The following SVEP1 variants were observed in gnomAD, a reference collection of about 807,000 sequenced individuals.
The protein encoded by SVEP1 is sushi, von Willebrand factor type A, EGF and pentraxin domain containing 1.
Under a neutral mutation model 367.3 loss-of-function variants are expected in SVEP1, and 164 were observed. That is an observed-to-expected ratio of 0.45 (90% CI 0.39 to 0.51). The LOEUF is 0.51. Among genes scored for constraint, SVEP1 ranks in the 20% least tolerant of loss-of-function variants. SVEP1 has a pLI of 0.00. For synonymous variants in SVEP1, 1,666 were observed against 1,611.6 expected (o/e 1.03, Z -0.81); for missense variants, 4,117 against 4,425.3 (o/e 0.93, Z 1.98).
chr9:110,561,491 AT>A (rs1482467321), intron 1 of SVEP1, among the ~76,000 whole-genome samples: 1 of 152,240 alleles, frequency 6.6e-6, no homozygotes, highest in Non-Finnish European at 1.5e-5. Flanking sequence ...AATTGCCTTA[AT>A]TTGTACTAGC....
rs1827967308 is a variant in SVEP1, at chr9:110,407,084, G to A, written c.8516C>T (p.Ser2839Leu). Residue 2839 changes from serine (S) to leucine (L), a missense_variant, in exon 38 of 48, where the codon TCA (serine) becomes TTA (leucine). Ser to Leu is a moderately radical substitution (Grantham distance 145, BLOSUM62 -2). Transcript: ENST00000374469. ...IPVDCSSPPV[S>L]ANGQVRGDEY... ...GTCTCCTCTCACCTGGCCATTGGCT[G>A]AGACTGGGGGTGAACTGCAGTCCAC... is the stretch of plus-strand genomic sequence containing the variant. The A allele has an allele frequency of 6.2e-7, 1 of 1,614,002 alleles. No homozygotes were observed. The highest frequency in any genetic ancestry group is 1.7e-5 in the Admixed American group (1 of 60,026).
intron 27 of SVEP1, among the ~76,000 whole-genome samples, chr9:110,441,151 T>C (rs1322222494): frequency 6.6e-6 from 1 of 152,194 alleles, no homozygotes; most frequent in Non-Finnish European, 1.5e-5. Flanking sequence ...TGTTCAAGCA[T>C]ATTTTACAAA....
intron 6 of SVEP1, among the ~76,000 whole-genome samples, chr9:110,499,473 T>G (rs1829499531): frequency 6.6e-6 from 1 of 152,226 alleles, no homozygotes; most frequent in South Asian, 2.1e-4. Flanking sequence ...CAAAAACTTC[T>G]GATATTTTAA....
Position 110,407,198 on chromosome 9 carries a change from C to T in SVEP1, c.8402G>A (p.Cys2801Tyr). 1 of 1,614,020 alleles carries T rather than the reference C, an allele frequency of 6.2e-7. No individual in the cohort carries two copies. Among genetic ancestry groups the T allele is most frequent in the South Asian group, 1.1e-5 (1 of 91,082 alleles). ...YTYLSTLYYECDPGYVLNGTE... is the reference protein window; with the variant it reads ...YTYLSTLYYEYDPGYVLNGTE... ...GCCATTCAGCACATATCCGGGGTCA[C>T]ACTCATAGTACAACGTGCTCAGGTA... The change falls in exon 38 of 48, where the codon TGT (cysteine) becomes TAT (tyrosine). Residue 2801 changes from cysteine (C) to tyrosine (Y), a missense_variant. Physicochemically the swap from Cys to Tyr is radical, Grantham distance 194. Transcript: ENST00000374469.
rs1564133287 is a variant in SVEP1, at chr9:110,406,709, G to A, written c.8891C>T (p.Ser2964Phe). ...DLAHGFPNGF[S>F]FIHGGHIQYQ... ...CTGTATATGGCCCCCATGAATAAAG[G>A]AAAAACCATTAGGGAAACCATGGGC... Residue 2964 changes from serine (S) to phenylalanine (F), a missense_variant, in exon 38 of 48, where the codon TCC becomes TTC. Coordinates refer to ENST00000374469, the MANE Select transcript of SVEP1 (RefSeq NM_153366.4). 1.2e-6 allele frequency: 2 copies of A among 1,613,978 alleles called. No individual in the cohort carries two copies. Among genetic ancestry groups the A allele is most frequent in the South Asian group, 2.2e-5 (2 of 91,086 alleles).
At chr9:110,436,223 C>T (rs542901005) in intron 28 of SVEP1, among the ~76,000 whole-genome samples, 157 bp downstream of exon 28, 1 of 152,000 alleles carries the variant, frequency 6.6e-6, no homozygotes, top group Admixed American at 6.6e-5. Flanking sequence ...TAACTTCTGC[C>T]TAACTTCATC....
Position 110,407,747 on chromosome 9 carries a change from TGAG to T in SVEP1, c.7850_7852del (p.Pro2617del). 1.9e-6 allele frequency: 3 copies of T among 1,613,962 alleles called. No individual in the cohort carries two copies. The highest frequency in any genetic ancestry group is 2.5e-6 in the Non-Finnish European group (3 of 1,179,888). On this transcript the variant is annotated inframe_deletion, in exon 38 of 48. Transcript: ENST00000374469. The stretch of plus-strand genomic sequence containing the variant: ...TTTAGTACAGTCTCCAAAATCTATA[TGAG>T]GAGGGAGGCCACAGTCTATTGGCAT...
In SVEP1 at chr9:110,370,367, T is replaced by A. The variant is rs181117678; in HGVS notation, c.10601-351A>T. On this transcript the variant is annotated intron_variant, in intron 46 of 47. Transcript: ENST00000374469. ...CACTTTGAATGTTTTGAACTATAAA[T>A]TTTTTTGTGTTCAATTAGATTGTAC... Among the ~76,000 whole-genome samples the A allele has an allele frequency of 3.3e-5, 5 of 152,224 alleles. No homozygotes were observed. The East Asian group carries it at 9.6e-4, about 29-fold the overall frequency.
chr9:110,429,327 T>C lies in SVEP1; in HGVS notation c.5623A>G (p.Lys1875Glu), dbSNP rs1828312942. ...FGSKVTYRCNKGYTLAGDKES... is the reference protein window; with the variant it reads ...FGSKVTYRCNEGYTLAGDKES... The stretch of plus-strand genomic sequence containing the variant: ...TTATCACCGGCCAGAGTATATCCTT[T>C]ATTACACCTAAAGAAGATAGAGGAA... Residue 1875 changes from lysine to glutamate, a missense_variant, in exon 35 of 48, where the codon AAA (lysine) becomes GAA (glutamate). By Grantham distance (56) the Lys-to-Glu change is moderately conservative (BLOSUM62 1). Around this residue, in one of 4 missense-constraint regions of SVEP1, gnomAD observed 2,174 missense variants for 2,494.3 expected, o/e 0.87. Coordinates refer to ENST00000374469, the MANE Select transcript of SVEP1 (RefSeq NM_153366.4). The C allele has an allele frequency of 1.3e-6, 2 of 1,550,104 alleles. No individual in the cohort carries two copies. Among genetic ancestry groups the C allele is most frequent in the Non-Finnish European group, 1.7e-6 (2 of 1,150,486 alleles).
At chr9:110,497,475 G>C (rs973391351) in intron 7 of SVEP1, among the ~76,000 whole-genome samples, 6 of 152,272 alleles carry the variant, frequency 3.9e-5, no homozygotes, top group African/African-American at 1.4e-4. Flanking sequence ...TTATTTGAAG[G>C]TCAGGATGTC....
intron 1 of SVEP1, among the ~76,000 whole-genome samples, chr9:110,574,743 CTTT>C (rs1163833465): frequency 1.2e-5 from 1 of 84,788 alleles, no homozygotes; most frequent in Non-Finnish European, 2.4e-5. Context: ...AGTCGACCTT[CTTT>C]TTTTTTTTTT....
chr9:110,517,700 A>G (rs991351496), intron 3 of SVEP1, among the ~76,000 whole-genome samples: 1 of 144,406 alleles, frequency 6.9e-6, no homozygotes, highest in Admixed American at 7.4e-5. Context: ...CTACAATTGC[A>G]CCACTGCAAT....
At position 110,406,486 on chromosome 9, in the gene SVEP1, G is replaced by C. The variant is rs1827956203; in HGVS notation, c.9114C>G (p.Leu3038=). ...CACAGGTGATTTCAGAAAGTCCTAG[G>C]AGCTTGAAGCCTTTGAAGCACTGAA... ...ARIQCFKGFK[L]LGLSEITCEA... Residue 3038 remains leucine (L), a synonymous_variant, in exon 38 of 48, where the codon CTC becomes CTG. Transcript: ENST00000374469. 1 of 1,613,768 alleles carries C rather than the reference G, an allele frequency of 6.2e-7. No individual in the cohort carries two copies. The highest frequency in any genetic ancestry group is 1.3e-5 in the African/African-American group (1 of 74,932).
At chr9:110,458,648 G>T in intron 19 of SVEP1, 86 bp from the exon 20 acceptor site, 1 of 1,304,382 alleles carries the variant, frequency 7.7e-7, no homozygotes, top group Non-Finnish European at 1.1e-6. Flanking sequence ...GATTCTGGTT[G>T]TCAGAGTGGG....
At chr9:110,575,535 C>T (rs117682845) in intron 1 of SVEP1, among the ~76,000 whole-genome samples, 2 of 152,212 alleles carry the variant, frequency 1.3e-5, no homozygotes, top group South Asian at 2.1e-4. Context: ...CCCTGCCTGG[C>T]GCGACTGCTT....
At chr9:110,481,718 T>C (rs987153946) in intron 11 of SVEP1, among the ~76,000 whole-genome samples, 3 of 151,936 alleles carry the variant, frequency 2.0e-5, no homozygotes, top group Admixed American at 6.6e-5. Context: ...ATTATTATTA[T>C]TACTACTACT....
At position 110,476,192 on chromosome 9, in the gene SVEP1, G is replaced by A; in HGVS notation, c.2599+12C>T. The A allele has an allele frequency of 1.9e-6, 3 of 1,559,600 alleles. No individual in the cohort carries two copies. Among genetic ancestry groups the A allele is most frequent in the Non-Finnish European group, 2.6e-6 (3 of 1,132,156 alleles). The stretch of plus-strand genomic sequence containing the variant: ...AGTCTTGCCAACTACCGATGCCACA[G>A]AATTTAATTACCAATTGCAAAGCCA... On this transcript the variant is annotated intron_variant, in intron 14 of 47. Transcript: ENST00000374469.
At chr9:110,503,268 A>G in intron 5 of SVEP1, 51 bp from the exon 6 acceptor site, 2 of 1,547,384 alleles carry the variant, frequency 1.3e-6, no homozygotes, top group Non-Finnish European at 1.7e-6. Context: ...AAGGATAAAA[A>G]TAATAATTAC....
chr9:110,511,503 T>A lies in SVEP1; in HGVS notation c.1303+1423A>T, dbSNP rs1330993030. 4.5e-3 allele frequency among the ~76,000 whole-genome samples: 188 copies of A among 41,944 alleles called. 9 individuals carry two copies. Among genetic ancestry groups the A allele is most frequent in the East Asian group, 0.015 (17 of 1,100 alleles). The allele number at this position is 41,944 out of a possible 152,430, so 27.5% of individuals were successfully genotyped here. ...GTGTCAGTACCTTTTTTTTTTTTTT[T>A]TTTTTTTTTTTTTTTTTTTTTTTAC... On this transcript the variant is annotated intron_variant, in intron 5 of 47. Coordinates refer to ENST00000374469, the MANE Select transcript of SVEP1 (RefSeq NM_153366.4).
Sources: gnomAD v4.1 joint callset for allele counts (sites outside exome capture counted in the v4.1 genomes callset) on GRCh38, gnomAD v4.1.1 for gene constraint, gnomAD v4.1.1 regional missense constraint, MANE v1.5 for transcripts, NCBI Gene and HGNC (gene_info 2026-07-23, HGNC 2026-07-21) for gene names.